SLC25A46: variants seen among roughly 807,000 people sequenced by gnomAD.
SLC25A46 encodes mitochondrial outer membrane protein SLC25A46.
SLC25A46 carries 39 observed loss-of-function variants against 44.6 expected under a neutral mutation model. The observed-to-expected ratio is 0.87, with a 90% CI of 0.68 to 1.14. SLC25A46 has a LOEUF of 1.14. SLC25A46 is among the 50% of genes most tolerant of loss of function. The pLI is 0.00. For missense variants in SLC25A46, 547 were observed against 522.7 expected (o/e 1.05, Z -0.45); for synonymous variants, 202 against 185.8 (o/e 1.09, Z -0.71).
chr5:110,750,062 C>T (rs1003529775), intron 5 of SLC25A46, among the ~76,000 whole-genome samples: 1 of 151,974 alleles, frequency 6.6e-6, no homozygotes, highest in East Asian at 1.9e-4. Context: ...CGCATATGCC[C>T]AATGTTGGGA....
intron 4 of SLC25A46, among the ~76,000 whole-genome samples, chr5:110,746,670 C>T (rs747069335): frequency 5.9e-5 from 9 of 152,082 alleles, no homozygotes; most frequent in Non-Finnish European, 1.0e-4. Context: ...AGAATGCTGT[C>T]AGAATACAAA....
chr5:110,748,054 A>G lies in SLC25A46; in HGVS notation c.463-109A>G, dbSNP rs1485389510. On this transcript the variant is annotated intron_variant, in intron 4 of 7. Coordinates refer to ENST00000355943, the MANE Select transcript of SLC25A46 (RefSeq NM_138773.4). ...GTAGTTCTCTACTAATATTTCTATT[A>G]GAATAATGTTTTATTGGAAAATGTC... is the stretch of plus-strand genomic sequence containing the variant. 4.5e-6 allele frequency: 3 copies of G among 671,906 alleles called. No individual in the cohort carries two copies. In the African/African-American group the frequency reaches 5.4e-5, roughly 12 times the overall value. 41.6% of individuals were successfully genotyped at this position (671,906 alleles called of 1,614,324 possible). A position where few individuals can be genotyped will look rare whatever the true frequency, so the allele number is the denominator to read the frequency against.
chr5:110,755,637 T>C (rs914723834), intron 6 of SLC25A46, 116 bp downstream of exon 6: 6 of 575,668 alleles, frequency 1.0e-5, no homozygotes, highest in African/African-American at 9.7e-5. Flanking sequence ...CAGTGAAATG[T>C]TGGTGGGACT....
chr5:110,745,775 T>C (rs1412439058), intron 3 of SLC25A46: 1 of 152,686 alleles, frequency 6.5e-6, no homozygotes, highest in Non-Finnish European at 1.5e-5. Flanking sequence ...ATCCAATGGA[T>C]ACATTACATA....
chr5:110,763,971 T>A lies in SLC25A46; in HGVS notation c.*2189T>A, dbSNP rs1321579495. On this transcript the variant is annotated 3_prime_UTR_variant, in exon 8 of 8. Transcript: ENST00000355943. ...TGAATTTTGAAAAGAATGAGTGAGA[T>A]AACTGTAAGATACGCTCGTTCCCTT... The A allele has an allele frequency of 6.6e-6, 1 of 151,844 alleles. No individual in the cohort carries two copies. Among genetic ancestry groups the A allele is most frequent in the Non-Finnish European group, 1.5e-5 (1 of 67,852 alleles). 9.4% of individuals were successfully genotyped at this position (151,844 alleles called of 1,614,324 possible).
rs969857658 is a variant in SLC25A46 at position 110,763,401 on chromosome 5, C to G, written c.*1619C>G. 6.6e-6 allele frequency: 1 copy of G among 151,698 alleles called. No homozygotes were observed. Among genetic ancestry groups the G allele is most frequent in the Admixed American group, 6.6e-5 (1 of 15,202 alleles). 9.4% of individuals were successfully genotyped at this position (151,698 alleles called of 1,614,324 possible). ...TCTCGTGTGTGTGTGTGTGTAGTTACTGAAACACCTACATTTTCCATTTTT... is the reference window on the plus strand; with the variant it reads ...TCTCGTGTGTGTGTGTGTGTAGTTAGTGAAACACCTACATTTTCCATTTTT... On this transcript the variant is annotated 3_prime_UTR_variant, in exon 8 of 8. Coordinates refer to ENST00000355943, the MANE Select transcript of SLC25A46 (RefSeq NM_138773.4).
Position 110,762,004 on chromosome 5 carries a change from T to A in SLC25A46, c.*222T>A, listed in dbSNP as rs1229297738. 1 of 447,550 alleles carries A rather than the reference T, an allele frequency of 2.2e-6. No homozygotes were observed. The highest frequency in any genetic ancestry group is 4.0e-6 in the Non-Finnish European group (1 of 251,786). The allele number at this position is 447,550 out of a possible 1,614,324, so 27.7% of individuals were successfully genotyped here. The stretch of plus-strand genomic sequence containing the variant: ...GAAAACTCAATAAAAATAACACTTA[T>A]TAAATTCTAGTTAGTGTAGCACTCA... On this transcript the variant is annotated 3_prime_UTR_variant, in exon 8 of 8. Coordinates refer to ENST00000355943, the MANE Select transcript of SLC25A46 (RefSeq NM_138773.4).
At chr5:110,754,530 C>CT (rs146834378) in intron 5 of SLC25A46, 11,157 of 145,296 alleles carry the variant, frequency 0.077, 471 homozygotes, top group Middle Eastern at 0.1. Context: ...TTCTTTCTTT[C>CT]TTTTTTTTTT....
chr5:110,743,617 AAACAT>A, intron 2 of SLC25A46, 108 bp from the exon 3 acceptor site: 1 of 548,456 alleles, frequency 1.8e-6, no homozygotes, highest in Non-Finnish European at 3.1e-6. Flanking sequence ...TAAGAATGGA[AAACAT>A]AAAATAATGC....
rs1007096054 is a variant in SLC25A46 at position 110,764,084 on chromosome 5, A to G, written c.*2302A>G. 2.6e-5 allele frequency: 4 copies of G among 151,782 alleles called. No homozygotes were observed. The Admixed American group carries it at 2.6e-4, about 10-fold the overall frequency. 9.4% of individuals were successfully genotyped at this position (151,782 alleles called of 1,614,324 possible). A position where few individuals can be genotyped will look rare whatever the true frequency, so the allele number is the denominator to read the frequency against. On this transcript the variant is annotated 3_prime_UTR_variant, in exon 8 of 8. Transcript: ENST00000355943. Reference sequence around the variant, plus strand: ...TAAGATAATAACAGCTCAAAATAATATTTTTTAATTCAGTAGAACTAATAG... The same window carrying G: ...TAAGATAATAACAGCTCAAAATAATGTTTTTTAATTCAGTAGAACTAATAG...
rs1053249327 is a variant in SLC25A46, at chr5:110,746,026, T to C, written c.385-243T>C. The C allele has an allele frequency of 5.1e-5, 16 of 314,716 alleles. 1 individual carries two copies. The highest frequency in any genetic ancestry group is 4.1e-4 in the Admixed American group (8 of 19,416). 19.5% of individuals were successfully genotyped at this position (314,716 alleles called of 1,614,324 possible). A position where few individuals can be genotyped will look rare whatever the true frequency, so the allele number is the denominator to read the frequency against. On this transcript the variant is annotated intron_variant, in intron 3 of 7. Coordinates refer to ENST00000355943, the MANE Select transcript of SLC25A46 (RefSeq NM_138773.4). ...ATATCAAATAAGACCCTCTTTATTA[T>C]ATAGTCTACAGTACTGTGTGTATTA...
Position 110,761,675 on chromosome 5 carries a change from G to T in SLC25A46, c.1150G>T (p.Gly384Cys). Reference protein sequence around the residue: ...NTIRQEEGVFGFYKGFGAVII... With the variant: ...NTIRQEEGVFCFYKGFGAVII... ...CATAAGGCAGGAGGAAGGAGTGTTT[G>T]GTTTTTATAAAGGGTTTGGTGCTGT... is the stretch of plus-strand genomic sequence containing the variant. The change falls in exon 8 of 8, where the codon GGT becomes TGT. Residue 384 changes from glycine to cysteine, a missense_variant. Coordinates refer to ENST00000355943, the MANE Select transcript of SLC25A46 (RefSeq NM_138773.4). This position sits in a 1 kb window ranked among gnomAD's most constrained non-coding sequence, Gnocchi z 5.3. 1 of 1,613,458 alleles carries T rather than the reference G, an allele frequency of 6.2e-7. No individual in the cohort carries two copies. Among genetic ancestry groups the T allele is most frequent in the Non-Finnish European group, 8.5e-7 (1 of 1,179,672 alleles).
chr5:110,748,347 C>T lies in SLC25A46; in HGVS notation c.563+84C>T, dbSNP rs886906366. 6.1e-5 allele frequency: 64 copies of T among 1,049,966 alleles called. No homozygotes were observed. In the African/African-American group the frequency reaches 9.1e-4, roughly 15 times the overall value. 65.0% of individuals were successfully genotyped at this position (1,049,966 alleles called of 1,614,324 possible). A position where few individuals can be genotyped will look rare whatever the true frequency, so the allele number is the denominator to read the frequency against. On this transcript the variant is annotated intron_variant, in intron 5 of 7. Transcript: ENST00000355943. ...AGGCGGTACATGTGCAGGCTTGTTA[C>T]ATGGGTATATTGTGTGATGCTAAAG...
At position 110,748,119 on chromosome 5, in the gene SLC25A46, G is replaced by C. The variant is rs373621754; in HGVS notation, c.463-44G>C. On this transcript the variant is annotated intron_variant, in intron 4 of 7. Coordinates refer to ENST00000355943, the MANE Select transcript of SLC25A46 (RefSeq NM_138773.4). Reference sequence around the variant, plus strand: ...TTTTATTAAGATCTTTTGTGTTTCAGATGTAGGTATTAACAGAAATAACAT... The same window carrying C: ...TTTTATTAAGATCTTTTGTGTTTCACATGTAGGTATTAACAGAAATAACAT... The C allele has an allele frequency of 3.7e-6, 5 of 1,336,788 alleles. No homozygotes were observed. In the African/African-American group the frequency reaches 5.8e-5, roughly 15 times the overall value. 82.8% of individuals were successfully genotyped at this position (1,336,788 alleles called of 1,614,324 possible).
chr5:110,744,275 T>C (rs1561601038), intron 3 of SLC25A46, among the ~76,000 whole-genome samples: 1 of 152,190 alleles, frequency 6.6e-6, no homozygotes, highest in Non-Finnish European at 1.5e-5. Context: ...TCTTTTGAGA[T>C]AATTGTGGGT....
chr5:110,759,233 C>T (rs955022948), intron 7 of SLC25A46, among the ~76,000 whole-genome samples: 5 of 151,858 alleles, frequency 3.3e-5, no homozygotes, highest in Admixed American at 3.3e-4. Context: ...GCAAGGAAGG[C>T]AAATAGGATG....
intron 3 of SLC25A46, 28 bp from the exon 4 acceptor site, chr5:110,746,241 A>G (rs762830315): frequency 2.7e-6 from 4 of 1,507,686 alleles, no homozygotes; most frequent in East Asian, 2.4e-5. Context: ...CATTAACAGA[A>G]AAAAATAATG....
chr5:110,755,037 A>G (rs1380349232), intron 5 of SLC25A46: 6 of 153,612 alleles, frequency 3.9e-5, no homozygotes, highest in African/African-American at 1.4e-4. Flanking sequence ...ATTAGGTACT[A>G]CATAAATGTA....
At chr5:110,756,337 A>G (rs199747149) in intron 6 of SLC25A46, among the ~76,000 whole-genome samples, 131 of 152,148 alleles carry the variant, frequency 8.6e-4, no homozygotes, top group African/African-American at 3.1e-3. Flanking sequence ...AGAGGATAGT[A>G]ACAGAAAAGT....
Sources: allele counts gnomAD v4.1 joint callset (sites outside exome capture counted in the v4.1 genomes callset), GRCh38; gene constraint gnomAD v4.1.1; non-coding constraint Gnocchi (gnomAD v3.1); transcripts MANE v1.5; gene names NCBI Gene and HGNC (gene_info 2026-07-23, HGNC 2026-07-21).